DOP1B: variants seen among roughly 807,000 people sequenced by gnomAD.
DOP1B encodes protein DOP1B.
DOP1B carries 174 observed loss-of-function variants against 233.5 expected under a neutral mutation model. The ratio of observed to expected loss-of-function variants is 0.75; its 90% CI spans 0.66 to 0.85. The LOEUF (loss-of-function observed/expected upper bound fraction) is 0.85. Ranked by LOEUF, DOP1B falls within the 40% of genes least tolerant of loss-of-function variation. DOP1B has a pLI of 0.00. For missense variants in DOP1B, 2,652 were observed against 2,846.6 expected (o/e 0.93, Z 1.56); for synonymous variants, 1,190 against 1,185.6 (o/e 1.00, Z -0.08).
At chr21:36,210,049 G>A (rs1019988530) in intron 5 of DOP1B, among the ~76,000 whole-genome samples, 5 of 151,904 alleles carry the variant, frequency 3.3e-5, no homozygotes, top group African/African-American at 4.8e-5. Flanking sequence ...TTCCTGCCCC[G>A]TCAGTATCCC....
At chr21:36,275,474 A>G (rs1263472644) in intron 27 of DOP1B, among the ~76,000 whole-genome samples, 3 of 152,016 alleles carry the variant, frequency 2.0e-5, no homozygotes, top group African/African-American at 7.2e-5. Context: ...TACAAAAATT[A>G]CAGCCTGTAG....
At chr21:36,224,374 T>C (rs1883412515) in intron 11 of DOP1B, among the ~76,000 whole-genome samples, 1 of 152,074 alleles carries the variant, frequency 6.6e-6, no homozygotes, top group African/African-American at 2.4e-5. Flanking sequence ...GAGACAGGGT[T>C]TCACCATGTT....
rs765512245 is a variant in DOP1B at position 36,164,867 on chromosome 21, A to G, written c.134A>G (p.Asn45Ser). Residue 45 changes from asparagine (N) to serine (S), a missense_variant, in exon 2 of 37, where the codon AAC becomes AGC. Asn to Ser is a conservative substitution (Grantham distance 46, BLOSUM62 1). Around this residue, in one of 3 missense-constraint regions of DOP1B, gnomAD observed 2,617 missense variants for 2,794.3 expected, o/e 0.94. Coordinates refer to ENST00000691173, the MANE Select transcript of DOP1B (RefSeq NM_001320714.2). ...ADLISSLGKL[N>S]KALQSNLRYS... ...CTCATATCTTCACTTGGCAAACTCA[A>G]CAAGGTATGTAGGGTGTATCCTATT... The G allele has an allele frequency of 6.2e-7, 1 of 1,610,222 alleles. No homozygotes were observed. The highest frequency in any genetic ancestry group is 8.5e-7 in the Non-Finnish European group (1 of 1,178,404).
intron 23 of DOP1B, among the ~76,000 whole-genome samples, chr21:36,259,060 G>A (rs2067140155): frequency 6.8e-6 from 1 of 147,202 alleles, no homozygotes; most frequent in Non-Finnish European, 1.5e-5. Flanking sequence ...CCACCTCCCA[G>A]GTTCATGCCA....
At chr21:36,235,268 C>A (rs752547020) in intron 15 of DOP1B, among the ~76,000 whole-genome samples, 2 of 152,070 alleles carry the variant, frequency 1.3e-5, no homozygotes, top group Non-Finnish European at 2.9e-5. Flanking sequence ...TTTAATCCTG[C>A]GGGAACAGCT....
Position 36,277,182 on chromosome 21 carries a change from G to A in DOP1B, c.5712+82G>A, listed in dbSNP as rs2067360484. On this transcript the variant is annotated intron_variant, in intron 28 of 36. Transcript: ENST00000691173. Reference sequence around the variant, plus strand: ...TGCAAAGACATTTGTTCATTCCCAGGTGCCAGTGAGCGTGGGCCGCACCCT... The same window carrying A: ...TGCAAAGACATTTGTTCATTCCCAGATGCCAGTGAGCGTGGGCCGCACCCT... 23 of 1,454,158 alleles carry A rather than the reference G, an allele frequency of 1.6e-5. 1 individual carries two copies. In the South Asian group the frequency reaches 2.5e-4, roughly 16 times the overall value. The allele number at this position is 1,454,158 out of a possible 1,614,324, so 90.1% of individuals were successfully genotyped here.
intron 2 of DOP1B, among the ~76,000 whole-genome samples, chr21:36,182,992 C>T (rs903607775): frequency 7.9e-5 from 12 of 152,146 alleles, no homozygotes; most frequent in Admixed American, 2.0e-4. Flanking sequence ...ATTCTGGCTG[C>T]GGGTGGGTGG....
At chr21:36,202,574 A>G (rs2066381100) in intron 4 of DOP1B, among the ~76,000 whole-genome samples, 1 of 152,176 alleles carries the variant, frequency 6.6e-6, no homozygotes, top group African/African-American at 2.4e-5. Flanking sequence ...AATGGTTTGA[A>G]GGGTTAGTTA....
At chr21:36,249,388 A>G (rs2067007723) in intron 21 of DOP1B, among the ~76,000 whole-genome samples, 3 of 152,330 alleles carry the variant, frequency 2.0e-5, no homozygotes, top group Non-Finnish European at 4.4e-5. Flanking sequence ...AGATCACGCC[A>G]GTGCACTCAA....
chr21:36,288,223 C>A (rs1025741961), intron 33 of DOP1B, 73 bp downstream of exon 33: 3 of 1,405,484 alleles, frequency 2.1e-6, no homozygotes, highest in South Asian at 2.7e-5. Flanking sequence ...ACATAACGTA[C>A]TATTTCCTAT....
intron 19 of DOP1B, among the ~76,000 whole-genome samples, chr21:36,247,128 C>A (rs2066976416): frequency 6.6e-6 from 1 of 152,180 alleles, no homozygotes; most frequent in Non-Finnish European, 1.5e-5. Context: ...AATCCCCCTG[C>A]CTCGGCCTCC....
Position 36,253,638 on chromosome 21 carries a change from A to AAAG in DOP1B, c.5122-132_5122-131insGAA, listed in dbSNP as rs1491299012. 2.6e-3 allele frequency: 639 copies of AAAG among 242,982 alleles called. 7 individuals are homozygous for AAAG. Among genetic ancestry groups the AAAG allele is most frequent in the Middle Eastern group, 0.018 (12 of 656 alleles). 15.1% of individuals were successfully genotyped at this position (242,982 alleles called of 1,614,324 possible). ...GGGTGACAGAGTGAGACCGTGTTTC[A>AAAG]AAAAAAAAAAAAAAGAGATGAAAAC... On this transcript the variant is annotated intron_variant, in intron 22 of 36. Coordinates refer to ENST00000691173, the MANE Select transcript of DOP1B (RefSeq NM_001320714.2).
intron 7 of DOP1B, 127 bp downstream of exon 7, chr21:36,212,224 G>T: frequency 8.8e-7 from 1 of 1,130,374 alleles, no homozygotes; most frequent in East Asian, 3.0e-5. Flanking sequence ...ATACCACAAT[G>T]ACTAAATATG....
At position 36,245,054 on chromosome 21, in the gene DOP1B, T is replaced by C; in HGVS notation, c.3074T>C (p.Leu1025Ser). ...CLKQENSADD[L>S]HRWFNRKKTS... is the part of the protein sequence containing the mutation. ...GTCATCTTGTAATTTTCAGATGACT[T>C]GCACCGTTGGTTTAACAGGAAGAAA... Residue 1025 changes from leucine to serine, a missense_variant, in exon 19 of 37, where the codon TTG becomes TCG. Around this residue, in one of 3 missense-constraint regions of DOP1B, gnomAD observed 2,617 missense variants for 2,794.3 expected, o/e 0.94. Coordinates refer to ENST00000691173, the MANE Select transcript of DOP1B (RefSeq NM_001320714.2). This position sits in a 1 kb window ranked among gnomAD's most constrained non-coding sequence, Gnocchi z 5.5. 1.9e-6 allele frequency: 3 copies of C among 1,593,416 alleles called. No individual in the cohort carries two copies. The highest frequency in any genetic ancestry group is 2.6e-6 in the Non-Finnish European group (3 of 1,163,790).
chr21:36,176,163 C>T (rs188328391), intron 2 of DOP1B, among the ~76,000 whole-genome samples: 18 of 149,296 alleles, frequency 1.2e-4, no homozygotes, highest in Admixed American at 6.0e-4. Flanking sequence ...GTCAGGAAAG[C>T]GTTCCAGGTG....
intron 2 of DOP1B, among the ~76,000 whole-genome samples, chr21:36,198,650 G>A (rs571845230): frequency 6.6e-6 from 1 of 152,272 alleles, no homozygotes; most frequent in African/African-American, 2.4e-5. Flanking sequence ...CCAGCCCAGT[G>A]GGGTGGTGCT....
chr21:36,245,426 C>A lies in DOP1B; in HGVS notation c.3446C>A (p.Pro1149His), dbSNP rs3746866. The A allele has an allele frequency of 0.15, 240,329 of 1,613,870 alleles. 19,487 individuals are homozygous for A. The highest frequency in any genetic ancestry group is 0.28 in the East Asian group (12,753 of 44,862). Reference sequence around the variant, plus strand: ...GAAGAGAACTGCTGTGCACCCATCCCCATGGGGGGCAGGGCGTACCCCAAG... The same window carrying A: ...GAAGAGAACTGCTGTGCACCCATCCACATGGGGGGCAGGGCGTACCCCAAG... ...SNEENCCAPI[P>H]MGGRAYPKRS... The change falls in exon 19 of 37, where the codon CCC becomes CAC. Residue 1149 changes from proline to histidine, a missense_variant. Pro to His is a moderately conservative substitution (Grantham distance 77). Around this residue, in one of 3 missense-constraint regions of DOP1B, gnomAD observed 2,617 missense variants for 2,794.3 expected, o/e 0.94. Transcript: ENST00000691173. This position sits in a 1 kb window ranked among gnomAD's most constrained non-coding sequence, Gnocchi z 5.5.
chr21:36,211,772 C>G, intron 6 of DOP1B, 121 bp downstream of exon 6: 1 of 1,304,898 alleles, frequency 7.7e-7, no homozygotes, highest in Non-Finnish European at 1.1e-6. Flanking sequence ...TTGCTGGTAG[C>G]CAGTGAAAAG....
intron 4 of DOP1B, among the ~76,000 whole-genome samples, chr21:36,205,366 T>TA (rs1428776888): frequency 2.6e-5 from 4 of 151,824 alleles, no homozygotes; most frequent in African/African-American, 9.7e-5. Context: ...TTTTTTTTTT[T>TA]AATGTTTGTT....
Sources: gnomAD v4.1 joint callset for allele counts (sites outside exome capture counted in the v4.1 genomes callset) on GRCh38, gnomAD v4.1.1 for gene constraint, gnomAD v4.1.1 regional missense constraint, Gnocchi (gnomAD v3.1) non-coding constraint, MANE v1.5 for transcripts, NCBI Gene and HGNC (gene_info 2026-07-23, HGNC 2026-07-21) for gene names.